The following NCKAP5 variants were observed in gnomAD, a reference collection of about 807,000 sequenced individuals.
NCKAP5 encodes the protein NCK associated protein 5.
A neutral mutation model predicts 167.0 loss-of-function variants in NCKAP5; 92 were observed. That is an observed-to-expected ratio of 0.55 (90% CI 0.47 to 0.66). The LOEUF is 0.66. NCKAP5 is among the 30% of genes least tolerant of loss of function. The pLI is 0.00. For missense variants in NCKAP5, 2,378 were observed against 2,315.0 expected, an observed-to-expected ratio of 1.03 and a Z score of -0.56; for synonymous variants, 891 against 877.4, an observed-to-expected ratio of 1.02 and a Z score of -0.27.
intron 8 of NCKAP5, among the ~76,000 whole-genome samples, chr2:132,956,927 C>T (rs1352184134): frequency 6.6e-6 from 1 of 152,178 alleles, no homozygotes; most frequent in African/African-American, 2.4e-5. Flanking sequence ...ATGCTGGCTC[C>T]TCTTCCTCTG....
At chr2:133,581,939 A>C in the NCKAP5 span, among the ~76,000 whole-genome samples, 2 of 152,248 alleles carry the variant, frequency 1.3e-5, no homozygotes, top group East Asian at 3.8e-4. Flanking sequence ...TGTGTACACC[A>C]GATGAAGAAA....
intron 3 of NCKAP5, among the ~76,000 whole-genome samples, chr2:133,431,295 T>C (rs1690143500): frequency 6.6e-6 from 1 of 152,174 alleles, no homozygotes; most frequent in South Asian, 2.1e-4. Context: ...CCATGTTTTA[T>C]ATATTTAAAC....
intron 2 of NCKAP5, among the ~76,000 whole-genome samples, chr2:133,557,839 C>T (rs1169031486): frequency 6.6e-6 from 1 of 152,196 alleles, no homozygotes; most frequent in African/African-American, 2.4e-5. Context: ...GCCAGGGTCC[C>T]CAGGCTGCCC....
chr2:132,803,322 A>G (rs1685179983), intron 11 of NCKAP5, among the ~76,000 whole-genome samples: 1 of 152,226 alleles, frequency 6.6e-6, no homozygotes, highest in East Asian at 1.9e-4. Flanking sequence ...GACAACTTTT[A>G]GACTTGCCTT....
chr2:132,749,639 G>C (rs1475572103), intron 16 of NCKAP5, among the ~76,000 whole-genome samples: 1 of 152,072 alleles, frequency 6.6e-6, no homozygotes, highest in Non-Finnish European at 1.5e-5. Flanking sequence ...CTCTGTAACA[G>C]ACCTAATGAG....
chr2:132,892,690 T>C (rs1487649918), intron 8 of NCKAP5, among the ~76,000 whole-genome samples: 1 of 152,198 alleles, frequency 6.6e-6, no homozygotes, highest in Non-Finnish European at 1.5e-5. Flanking sequence ...CCTCATTTAA[T>C]TGAAGGCCCC....
chr2:133,375,805 C>T (rs761075269), intron 3 of NCKAP5, among the ~76,000 whole-genome samples: 40 of 152,268 alleles, frequency 2.6e-4, no homozygotes, highest in Middle Eastern at 6.8e-3. Context: ...TAGTATTCCA[C>T]GGTATATATG....
At chr2:133,547,851 A>G (rs1448795740) in intron 2 of NCKAP5, among the ~76,000 whole-genome samples, 3 of 148,548 alleles carry the variant, frequency 2.0e-5, no homozygotes, top group Non-Finnish European at 4.5e-5. Context: ...GCAGTTCCTC[A>G]CCAGCAACGG....
intron 19 of NCKAP5, among the ~76,000 whole-genome samples, chr2:132,700,930 C>CGG (rs67190492): frequency 8.4e-4 from 95 of 113,204 alleles, no homozygotes; most frequent in South Asian, 4.0e-3. Context: ...ATCCCCTGGG[C>CGG]GGGGGGGGGG....
rs149250534 is a variant in NCKAP5, at chr2:133,534,281, T to G, written c.-61-16694A>C. Among the ~76,000 whole-genome samples the G allele has an allele frequency of 4.1e-4, 62 of 152,304 alleles. No homozygotes were observed. In the East Asian group the frequency reaches 0.011, roughly 27 times the overall value. On this transcript the variant is annotated intron_variant, in intron 2 of 19. Transcript: ENST00000409261. ...AAATATTTTGATCAATATCACAATT[T>G]TAAAAGAATTTAATGCCTTTAAATT...
chr2:133,273,923 C>T (rs1355849383), intron 4 of NCKAP5, among the ~76,000 whole-genome samples: 3 of 150,930 alleles, frequency 2.0e-5, no homozygotes, highest in Admixed American at 1.3e-4. Flanking sequence ...AAACATTTCA[C>T]CTCCCCAGGA....
chr2:132,795,839 C>CAAAAAAAA, intron 12 of NCKAP5, among the ~76,000 whole-genome samples: 1 of 110,634 alleles, frequency 9.0e-6, no homozygotes, highest in Non-Finnish European at 1.8e-5. Flanking sequence ...AAAAAAAAAA[C>CAAAAAAAA]AAAAAAAACA....
chr2:133,251,873 T>C (rs892065243), intron 4 of NCKAP5, among the ~76,000 whole-genome samples: 1 of 152,224 alleles, frequency 6.6e-6, no homozygotes, highest in African/African-American at 2.4e-5. Flanking sequence ...AAATGCATAT[T>C]TCTGCCCCAA....
chr2:132,693,343 A>G (rs192326355), intron 19 of NCKAP5, among the ~76,000 whole-genome samples: 10 of 152,298 alleles, frequency 6.6e-5, no homozygotes, highest in Admixed American at 3.9e-4. Context: ...TCAATCCAAT[A>G]TAACTGGGGT....
chr2:133,203,517 T>A (rs2150131272), intron 5 of NCKAP5, among the ~76,000 whole-genome samples: 1 of 152,238 alleles, frequency 6.6e-6, no homozygotes, highest in African/African-American at 2.4e-5. Flanking sequence ...TGTGCACATG[T>A]ACCCTAGAAC....
In NCKAP5 at chr2:133,320,020, C is replaced by T. The variant is rs370036579; in HGVS notation, c.70-16910G>A. ...AGGATTATTATTCATTCCGGTCAAA[C>T]GAAACCAACTGCAACAAGGGATGGG... On this transcript the variant is annotated intron_variant, in intron 3 of 19. Transcript: ENST00000409261. Among the ~76,000 whole-genome samples the T allele has an allele frequency of 2.8e-4, 43 of 152,126 alleles. No individual in the cohort carries two copies. In the East Asian group the frequency reaches 2.9e-3, roughly 10 times the overall value.
At chr2:132,875,282 T>C (rs1362799235) in intron 9 of NCKAP5, among the ~76,000 whole-genome samples, 4 of 152,192 alleles carry the variant, frequency 2.6e-5, no homozygotes, top group East Asian at 1.9e-4. Context: ...AAGCACTTGC[T>C]GTTCTGGATC....
chr2:133,263,833 T>TC (rs2089041095), intron 4 of NCKAP5, among the ~76,000 whole-genome samples: 1 of 151,578 alleles, frequency 6.6e-6, no homozygotes, highest in African/African-American at 2.4e-5. Context: ...GCACACAAAC[T>TC]CTTTTTTTTA....
chr2:133,119,164 A>G (rs2082176537), intron 6 of NCKAP5: 1 of 152,070 alleles, frequency 6.6e-6, no homozygotes, highest in Non-Finnish European at 1.5e-5. Context: ...CCACTATGCC[A>G]GCTAATTTTT....
Sources: allele counts gnomAD v4.1 joint callset (sites outside exome capture counted in the v4.1 genomes callset), GRCh38; gene constraint gnomAD v4.1.1; transcripts MANE v1.5; gene names NCBI Gene and HGNC (gene_info 2026-07-23, HGNC 2026-07-21).